PRG4: variants seen among roughly 807,000 people sequenced by gnomAD.
PRG4 encodes articular superficial zone protein.
Under a neutral mutation model 91.2 loss-of-function variants are expected in PRG4, and 61 were observed. That is an observed-to-expected ratio of 0.67 (90% confidence interval 0.54 to 0.83). PRG4 has a LOEUF of 0.83. Among genes scored for constraint, PRG4 ranks in the 40% least tolerant of loss-of-function variants. The pLI is 0.00. For missense variants in PRG4, 1,564 were observed against 1,714.2 expected (o/e 0.91, Z 1.55); for synonymous variants, 576 against 614.2 (o/e 0.94, Z 0.92).
rs368538088 is a variant in PRG4, at chr1:186,313,931, T to C, written c.*153T>C. ...TGACAATCATTACACTAAAACAGAT[T>C]TGATAATCTTATTCACAGTTGTTAT... On this transcript the variant is annotated 3_prime_UTR_variant, in exon 13 of 13. Coordinates refer to ENST00000445192, the MANE Select transcript of PRG4 (RefSeq NM_005807.6). The C allele has an allele frequency of 1.3e-5, 20 of 1,596,116 alleles. No individual in the cohort carries two copies. Among genetic ancestry groups the C allele is most frequent in the Non-Finnish European group, 1.6e-5 (19 of 1,165,268 alleles).
In PRG4 at chr1:186,313,614, A is replaced by G. The variant is rs376428198; in HGVS notation, c.4118-67A>G. ...ATTGTCTTTGAGCATAATAGTCAAC[A>G]TAAGTTATTTTTTAGTTTGGGCATT... On this transcript the variant is annotated intron_variant, in intron 12 of 12. Coordinates refer to ENST00000445192, the MANE Select transcript of PRG4 (RefSeq NM_005807.6). 3.5e-5 allele frequency: 32 copies of G among 921,372 alleles called. No homozygotes were observed. The East Asian group carries it at 6.5e-4, about 19-fold the overall frequency. 57.1% of individuals were successfully genotyped at this position (921,372 alleles called of 1,614,324 possible). A position where few individuals can be genotyped will look rare whatever the true frequency, so the allele number is the denominator to read the frequency against.
At chr1:186,302,533 T>C (rs187537748) in intron 4 of PRG4, among the ~76,000 whole-genome samples, 294 of 152,352 alleles carry the variant, frequency 1.9e-3, no homozygotes, top group African/African-American at 6.5e-3. Context: ...ATCAATCTTA[T>C]CATTTTATTT....
Position 186,307,040 on chromosome 1 carries a change from A to G in PRG4, c.1321A>G (p.Lys441Glu), listed in dbSNP as rs1421565507. 7 of 1,558,324 alleles carry G rather than the reference A, an allele frequency of 4.5e-6. 1 individual carries two copies. The Admixed American group carries it at 1.3e-4, about 28-fold the overall frequency. The change falls in exon 7 of 13, where the codon AAG becomes GAG. Residue 441 changes from lysine (K) to glutamate (E), a missense_variant. By Grantham distance (56) the Lys-to-Glu change is moderately conservative. Around this residue, in one of 3 missense-constraint regions of PRG4, gnomAD observed 48 missense variants for 93.0 expected, o/e 0.52. Coordinates refer to ENST00000445192, the MANE Select transcript of PRG4 (RefSeq NM_005807.6). ...CAAGGAGCCTGCACCCACCACCCCC[A>G]AGAAGCCTGCCCCAACTACCCCCAA... ...TPKEPAPTTPKKPAPTTPKEP... is the reference protein window; with the variant it reads ...TPKEPAPTTPEKPAPTTPKEP...
At position 186,307,849 on chromosome 1, in the gene PRG4, AG is replaced by A. The variant is rs1557951845; in HGVS notation, c.2133del (p.Thr712LeufsTer200). Reference protein sequence around the residue: ...PKETAPTTPKGTAPTTLKEPA... With the variant: ...PKETAPTTPKXTAPTTLKEPA... ...AGGAGACTGCTCCAACTACCCCTAA[AG>A]GGACTGCTCCAACTACCCTCAAGGA... On this transcript the variant is annotated frameshift_variant, in exon 7 of 13. Coordinates refer to ENST00000445192, the MANE Select transcript of PRG4 (RefSeq NM_005807.6). LOFTEE classifies it high-confidence loss of function. The A allele has an allele frequency of 6.6e-7, 1 of 1,513,150 alleles. No individual in the cohort carries two copies. The allele number at this position is 1,513,150 out of a possible 1,614,324, so 93.7% of individuals were successfully genotyped here.
intron 8 of PRG4, 99 bp from the exon 9 acceptor site, chr1:186,310,935 A>T: frequency 7.5e-7 from 1 of 1,331,514 alleles, no homozygotes; most frequent in Non-Finnish European, 1.1e-6. Context: ...ACTTCCAGTC[A>T]TACAATGCAT....
At chr1:186,298,105 G>T (rs1356848199) in intron 2 of PRG4, among the ~76,000 whole-genome samples, 3 of 152,176 alleles carry the variant, frequency 2.0e-5, no homozygotes, top group Non-Finnish European at 4.4e-5. Flanking sequence ...ATGGGGCTGG[G>T]TGTGGTGGCT....
intron 8 of PRG4, among the ~76,000 whole-genome samples, chr1:186,310,818 C>T (rs765868112): frequency 3.3e-5 from 5 of 151,942 alleles, no homozygotes; most frequent in African/African-American, 1.2e-4. Flanking sequence ...TAGGCTCTTT[C>T]TAAAGAAACT....
chr1:186,310,657 ATTTT>A (rs746583527), intron 8 of PRG4, among the ~76,000 whole-genome samples: 2 of 135,880 alleles, frequency 1.5e-5, no homozygotes, highest in Non-Finnish European at 3.1e-5. Context: ...TAATTTTTGT[ATTTT>A]TTTTTGTATT....
At position 186,296,824 on chromosome 1, in the gene PRG4, G is replaced by A. The variant is rs10911844; in HGVS notation, c.-30-22G>A. On this transcript the variant is annotated intron_variant, in intron 1 of 12. Transcript: ENST00000445192. ...TGGTGAGATGAAAGAGCTGTTTTCT[G>A]ATACTTTTATTTTATTTTCAGCAAG... The A allele has an allele frequency of 8.3e-5, 116 of 1,394,316 alleles. 1 individual carries two copies. In the African/African-American group the frequency reaches 1.6e-3, roughly 19 times the overall value. The allele number at this position is 1,394,316 out of a possible 1,614,324, so 86.4% of individuals were successfully genotyped here.
rs1047894704 is a variant in PRG4 at position 186,308,475 on chromosome 1, C to A, written c.2756C>A (p.Thr919Lys). ...ATGACTACAACAGCTAAAGACAAGA[C>A]AACAGAAAGAGACTTACGTACTACA... ...PEMTTTAKDK[T>K]TERDLRTTPE... The change falls in exon 7 of 13, where the codon ACA becomes AAA. Residue 919 changes from threonine to lysine, a missense_variant. Thr to Lys is a moderately conservative substitution (Grantham distance 78). Coordinates refer to ENST00000445192, the MANE Select transcript of PRG4 (RefSeq NM_005807.6). The A allele has an allele frequency of 7.4e-6, 12 of 1,613,748 alleles. No individual in the cohort carries two copies. The highest frequency in any genetic ancestry group is 1.1e-5 in the South Asian group (1 of 91,086).
chr1:186,310,955 A>G, intron 8 of PRG4, 79 bp from the exon 9 acceptor site: 1 of 1,522,554 alleles, frequency 6.6e-7, no homozygotes, highest in Non-Finnish European at 9.1e-7. Context: ...TAAGAAAACT[A>G]CATTTTTTTT....
intron 2 of PRG4, 128 bp downstream of exon 2, chr1:186,297,079 T>C: frequency 2.5e-6 from 2 of 786,072 alleles, no homozygotes; most frequent in Non-Finnish European, 4.3e-6. Flanking sequence ...TGTACAACCT[T>C]AAAATAATAT....
chr1:186,309,606 T>TCA, intron 7 of PRG4, among the ~76,000 whole-genome samples, 187 bp from the exon 8 acceptor site: 1 of 152,298 alleles, frequency 6.6e-6, no homozygotes, highest in South Asian at 2.1e-4. Flanking sequence ...ATAATACTTT[T>TCA]GAAGAGTATC....
At chr1:186,313,113 A>C (rs1269059438) in intron 12 of PRG4, 1 of 551,884 alleles carries the variant, frequency 1.8e-6, no homozygotes, top group Non-Finnish European at 3.2e-6. Context: ...AGATTACGAT[A>C]AAACATCCAG....
At position 186,306,409 on chromosome 1, in the gene PRG4, C is replaced by T; in HGVS notation, c.690C>T (p.Asp230=). 1 of 1,613,506 alleles carries T rather than the reference C, an allele frequency of 6.2e-7. No homozygotes were observed. The highest frequency in any genetic ancestry group is 8.5e-7 in the Non-Finnish European group (1 of 1,179,538). ...CTGGAAGTGGATTGGACAATGGTGA[C>T]TTCAAGGTCACAACTCCTGACACGT... The part of the protein sequence containing the change: ...DEAGSGLDNG[D]FKVTTPDTST... Residue 230 remains aspartate, a synonymous_variant, in exon 7 of 13, where the codon GAC becomes GAT. Coordinates refer to ENST00000445192, the MANE Select transcript of PRG4 (RefSeq NM_005807.6).
chr1:186,304,048 A>C, intron 4 of PRG4, 60 bp from the exon 5 acceptor site: 1 of 1,574,932 alleles, frequency 6.3e-7, no homozygotes, highest in Non-Finnish European at 8.7e-7. Flanking sequence ...TGCTTTTCAC[A>C]GTTAGAGCTG....
intron 4 of PRG4, 117 bp downstream of exon 4, chr1:186,301,828 A>G (rs1656238509): frequency 5.9e-6 from 8 of 1,362,446 alleles, no homozygotes; most frequent in Admixed American, 1.7e-5. Flanking sequence ...TTACTAACAT[A>G]TAAGCTATTT....
At chr1:186,304,972 T>C (rs1034985828) in intron 6 of PRG4, 50 bp downstream of exon 6, 1 of 1,577,550 alleles carries the variant, frequency 6.3e-7, no homozygotes, top group Non-Finnish European at 8.7e-7. Flanking sequence ...ATATTAACAA[T>C]GATTATATTT....
intron 8 of PRG4, among the ~76,000 whole-genome samples, chr1:186,310,401 G>T (rs931012344): frequency 6.6e-6 from 1 of 152,136 alleles, no homozygotes; most frequent in African/African-American, 2.4e-5. Flanking sequence ...AGGCTAAAGA[G>T]ATGTTAGTCA....
Sources: gnomAD v4.1 joint callset for allele counts (sites outside exome capture counted in the v4.1 genomes callset) on GRCh38, gnomAD v4.1.1 for gene constraint, gnomAD v4.1.1 regional missense constraint, MANE v1.5 for transcripts, NCBI Gene and HGNC (gene_info 2026-07-23, HGNC 2026-07-21) for gene names.